Variants in EFNA5 observed in about 807,000 individuals in gnomAD.
The protein encoded by EFNA5 is ephrin A5.
A neutral mutation model predicts 22.9 loss-of-function variants in EFNA5; 5 were observed. The observed-to-expected ratio is 0.22, with a 90% CI of 0.11 to 0.46. The LOEUF (loss-of-function observed/expected upper bound fraction) is 0.46. Among genes scored for constraint, EFNA5 ranks in the 20% least tolerant of loss-of-function variants. The pLI, the probability that EFNA5 is intolerant of heterozygous loss-of-function variation, is 0.99. For synonymous variants in EFNA5, 113 were observed against 112.2 expected (o/e 1.01, Z -0.04); for missense variants, 237 against 293.3 (o/e 0.81, Z 1.40).
At chr5:107,582,220 T>C (rs1276999940) in intron 1 of EFNA5, among the ~76,000 whole-genome samples, 1 of 152,250 alleles carries the variant, frequency 6.6e-6, no homozygotes. Flanking sequence ...ATGTTTTTGA[T>C]ATGCTAAAGC....
chr5:107,382,484 T>A (rs546486775), intron 4 of EFNA5, among the ~76,000 whole-genome samples: 28 of 152,302 alleles, frequency 1.8e-4, no homozygotes, highest in African/African-American at 6.5e-4. Flanking sequence ...GCAATCCTCC[T>A]GCCTCAACCT....
chr5:107,476,542 TAAATATA>T (rs1020128561), intron 1 of EFNA5, among the ~76,000 whole-genome samples: 7 of 152,108 alleles, frequency 4.6e-5, no homozygotes, highest in Non-Finnish European at 8.8e-5. Context: ...CTGGTTTCAT[TAAATATA>T]AAACAAATGA....
At chr5:107,652,976 CT>C (rs1384011989) in intron 1 of EFNA5, among the ~76,000 whole-genome samples, 3 of 151,944 alleles carry the variant, frequency 2.0e-5, no homozygotes, top group African/African-American at 7.3e-5. Context: ...ATGGTTCTCC[CT>C]CACCCATCTG....
intron 2 of EFNA5, among the ~76,000 whole-genome samples, chr5:107,387,984 A>G (rs1176862478): frequency 2.0e-5 from 3 of 152,204 alleles, no homozygotes; most frequent in Non-Finnish European, 4.4e-5. Context: ...TCTCTTTTCA[A>G]TACAATAAAA....
chr5:107,510,816 C>A (rs138041955), intron 1 of EFNA5, among the ~76,000 whole-genome samples: 19 of 152,292 alleles, frequency 1.2e-4, no homozygotes, highest in African/African-American at 4.6e-4. Flanking sequence ...AAGCTACACA[C>A]TGAGACTAGG....
chr5:107,589,473 T>TAC (rs1303192055), intron 1 of EFNA5, among the ~76,000 whole-genome samples: 6 of 152,008 alleles, frequency 3.9e-5, no homozygotes, highest in Non-Finnish European at 5.9e-5. Flanking sequence ...TATAAACATA[T>TAC]ATACACACAC....
chr5:107,643,947 A>G (rs1750579435), intron 1 of EFNA5, among the ~76,000 whole-genome samples: 1 of 152,068 alleles, frequency 6.6e-6, no homozygotes, highest in South Asian at 2.1e-4. Context: ...AATTAGAAAG[A>G]CTTTTCGGAT....
intron 1 of EFNA5, among the ~76,000 whole-genome samples, chr5:107,502,817 C>T (rs997706576): frequency 2.0e-5 from 3 of 152,066 alleles, no homozygotes; most frequent in African/African-American, 7.2e-5. Context: ...GATTGAAAGG[C>T]GGGAAGGACT....
At chr5:107,543,261 G>A (rs1748083099) in intron 1 of EFNA5, among the ~76,000 whole-genome samples, 1 of 152,216 alleles carries the variant, frequency 6.6e-6, no homozygotes, top group Admixed American at 6.5e-5. Flanking sequence ...GGGAAAAAAA[G>A]CTGGGGACTC....
At chr5:107,457,813 A>G in intron 1 of EFNA5, among the ~76,000 whole-genome samples, 1 of 152,210 alleles carries the variant, frequency 6.6e-6, no homozygotes, top group East Asian at 1.9e-4. Context: ...ACAAAACAGC[A>G]ACAACAAAAA....
At chr5:107,520,191 C>T (rs944466458) in intron 1 of EFNA5, among the ~76,000 whole-genome samples, 1 of 152,148 alleles carries the variant, frequency 6.6e-6, no homozygotes, top group Non-Finnish European at 1.5e-5. Context: ...AAACTGGTCT[C>T]ATGTACTGTA....
At chr5:107,402,819 T>G (rs1345454697) in intron 2 of EFNA5, among the ~76,000 whole-genome samples, 2 of 152,188 alleles carry the variant, frequency 1.3e-5, no homozygotes, top group Non-Finnish European at 2.9e-5. Flanking sequence ...TCGGGCAAAT[T>G]TCCTCCTGCC....
intron 1 of EFNA5, among the ~76,000 whole-genome samples, chr5:107,446,001 G>C (rs1421183590): frequency 6.6e-6 from 1 of 152,222 alleles, no homozygotes; most frequent in Admixed American, 6.5e-5. Flanking sequence ...AAGAGGTTAA[G>C]AGAAAGGAAT....
At chr5:107,654,032 A>C (rs142649798) in intron 1 of EFNA5, among the ~76,000 whole-genome samples, 5 of 152,252 alleles carry the variant, frequency 3.3e-5, no homozygotes, top group Non-Finnish European at 5.9e-5. Flanking sequence ...CCATGAATTA[A>C]GAGTATGCTA....
intron 1 of EFNA5, among the ~76,000 whole-genome samples, chr5:107,580,700 C>T (rs1338096116): frequency 1.3e-5 from 1 of 79,866 alleles, no homozygotes; most frequent in Non-Finnish European, 2.3e-5. Context: ...CCAGCCTGGG[C>T]AAAAGAGCAA....
chr5:107,569,557 A>G (rs370742421), intron 1 of EFNA5, among the ~76,000 whole-genome samples: 13 of 89,158 alleles, frequency 1.5e-4, no homozygotes, highest in African/African-American at 4.8e-4. Flanking sequence ...GTATATATAT[A>G]TTTATATATA....
At chr5:107,589,276 C>G (rs1451266310) in intron 1 of EFNA5, among the ~76,000 whole-genome samples, 2 of 152,090 alleles carry the variant, frequency 1.3e-5, no homozygotes, top group African/African-American at 4.8e-5. Context: ...CTCATAAGAC[C>G]AAGCCCAAAA....
chr5:107,468,776 G>C (rs375462474), intron 1 of EFNA5, among the ~76,000 whole-genome samples: 1 of 148,978 alleles, frequency 6.7e-6, no homozygotes, highest in Middle Eastern at 3.4e-3. Context: ...ATGTGATGTA[G>C]AAATAAACAA....
chr5:107,572,944 G>C (rs987999446), intron 1 of EFNA5, among the ~76,000 whole-genome samples: 1 of 152,118 alleles, frequency 6.6e-6, no homozygotes, highest in African/African-American at 2.4e-5. Flanking sequence ...TGGCTTGTGT[G>C]TTAAGCTCAT....
Sources: allele counts gnomAD v4.1 joint callset (sites outside exome capture counted in the v4.1 genomes callset), GRCh38; gene constraint gnomAD v4.1.1; transcripts MANE v1.5; gene names NCBI Gene and HGNC (gene_info 2026-07-23, HGNC 2026-07-21).